INTS8: variants seen among roughly 807,000 people sequenced by gnomAD.
The protein encoded by INTS8 is integrator complex subunit 8, also known as protein kaonashi-1.
In INTS8, 47 loss-of-function variants were observed where a neutral mutation model predicts 138.9. That is an observed-to-expected ratio of 0.34 (90% CI 0.27 to 0.43). The LOEUF is 0.43. Among genes scored for constraint, INTS8 ranks in the 20% least tolerant of loss-of-function variants. The pLI, the probability that INTS8 is intolerant of heterozygous loss-of-function variation, is 1.00. For missense variants in INTS8, 996 were observed against 1,173.0 expected (o/e 0.85, Z 2.20); for synonymous variants, 392 against 400.9 (o/e 0.98, Z 0.27).
intron 7 of INTS8, among the ~76,000 whole-genome samples, chr8:94,838,149 T>C (rs937745280): frequency 1.2e-4 from 18 of 150,672 alleles, no homozygotes; most frequent in African/African-American, 4.1e-4. Flanking sequence ...CCTCCCGGGC[T>C]CAAGCCATTC....
At chr8:94,837,827 G>A (rs1814984945) in intron 7 of INTS8, among the ~76,000 whole-genome samples, 1 of 151,966 alleles carries the variant, frequency 6.6e-6, no homozygotes, top group South Asian at 2.1e-4. Context: ...AAATATCTTA[G>A]GCTTTCTGGG....
At chr8:94,825,834 T>G (rs1303258722) in intron 2 of INTS8, among the ~76,000 whole-genome samples, 2 of 76,716 alleles carry the variant, frequency 2.6e-5, no homozygotes, top group African/African-American at 2.8e-5. Context: ...AGGAGAGGGG[T>G]TTTTTTTGAC....
chr8:94,873,264 G>A, intron 21 of INTS8, 110 bp from the exon 22 acceptor site: 1 of 793,626 alleles, frequency 1.3e-6, no homozygotes, highest in South Asian at 1.4e-5. Flanking sequence ...CTAGTTCTGT[G>A]GTTTGAATCT....
At chr8:94,846,318 A>G (rs758744150) in intron 10 of INTS8, among the ~76,000 whole-genome samples, 50 of 152,030 alleles carry the variant, frequency 3.3e-4, no homozygotes, top group Non-Finnish European at 5.3e-4. Context: ...CTTGTTGCCC[A>G]GGCTGCAGTG....
chr8:94,845,782 C>T (rs1191858752), intron 10 of INTS8, among the ~76,000 whole-genome samples: 2 of 152,136 alleles, frequency 1.3e-5, no homozygotes, highest in East Asian at 1.9e-4. Context: ...TTTTATGTGT[C>T]AACATTAGAC....
Position 94,867,176 on chromosome 8 carries a change from G to A in INTS8, c.2332G>A (p.Val778Met). 6.2e-7 allele frequency: 1 copy of A among 1,610,506 alleles called. No individual in the cohort carries two copies. Among genetic ancestry groups the A allele is most frequent in the Non-Finnish European group, 8.5e-7 (1 of 1,178,300 alleles). ...LVLTIILSLF[V>M]KLHNVREDIV... ...TTTGACTATTATTTTATCACTCTTT[G>A]TGAAACTTCACAATGTTCGGGTAAG... The change falls in exon 19 of 27, where the codon GTG (valine) becomes ATG (methionine). Residue 778 changes from valine (V) to methionine (M), a missense_variant. Val to Met is a conservative substitution (Grantham distance 21, BLOSUM62 1). Coordinates refer to ENST00000523731, the MANE Select transcript of INTS8 (RefSeq NM_017864.4).
Position 94,866,496 on chromosome 8 carries a change from G to A in INTS8, c.2295+305G>A. ...GATGAGGTCTCCCCTTGTTGCCCAGGCTAGTTTCTAACTCCTGGTCTCAAA... is the reference window on the plus strand; with the variant it reads ...GATGAGGTCTCCCCTTGTTGCCCAGACTAGTTTCTAACTCCTGGTCTCAAA... On this transcript the variant is annotated intron_variant, in intron 18 of 26. Coordinates refer to ENST00000523731, the MANE Select transcript of INTS8 (RefSeq NM_017864.4). 1.3e-5 allele frequency: 4 copies of A among 300,644 alleles called. 1 individual carries two copies. In the South Asian group the frequency reaches 1.4e-4, roughly 11 times the overall value. 18.6% of individuals were successfully genotyped at this position (300,644 alleles called of 1,614,324 possible).
At chr8:94,840,913 A>ATT (rs59714366) in intron 8 of INTS8, among the ~76,000 whole-genome samples, 5 of 131,522 alleles carry the variant, frequency 3.8e-5, no homozygotes, top group African/African-American at 8.6e-5. Context: ...GAGAATAATA[A>ATT]TTTTTTTTTT....
At chr8:94,853,524 ATTG>A (rs1586500504) in intron 13 of INTS8, among the ~76,000 whole-genome samples, 1 of 152,026 alleles carries the variant, frequency 6.6e-6, no homozygotes, top group Non-Finnish European at 1.5e-5. Flanking sequence ...TTACCTTGAT[ATTG>A]TTGTGAGGAT....
chr8:94,854,203 C>G (rs1294813582), intron 14 of INTS8, among the ~76,000 whole-genome samples: 1 of 142,176 alleles, frequency 7.0e-6, no homozygotes, highest in East Asian at 2.0e-4. Context: ...GATAGTCCAT[C>G]TCGGAAAAAA....
At chr8:94,836,671 T>A in intron 7 of INTS8, 40 bp downstream of exon 7, 1 of 1,221,000 alleles carries the variant, frequency 8.2e-7, no homozygotes, top group African/African-American at 1.5e-5. Context: ...TTCAGTTCTT[T>A]AAAACATCTA....
At chr8:94,845,798 T>C (rs977431615) in intron 10 of INTS8, among the ~76,000 whole-genome samples, 3 of 152,210 alleles carry the variant, frequency 2.0e-5, no homozygotes, top group African/African-American at 4.8e-5. Context: ...TAGACTCAGA[T>C]TGTCAAGTTC....
At chr8:94,872,219 T>G (rs1405998480) in intron 21 of INTS8, among the ~76,000 whole-genome samples, 1 of 152,028 alleles carries the variant, frequency 6.6e-6, no homozygotes, top group African/African-American at 2.4e-5. Flanking sequence ...ATTCTCTTTT[T>G]CAAAAAAACA....
rs58388097 is a variant in INTS8, at chr8:94,848,013, C to CTTTTTTTTTTTTTTTTTT, written c.1261-1436_1261-1435insTTTTTTTTTTTTTTTTTT. On this transcript the variant is annotated intron_variant, in intron 10 of 26. Transcript: ENST00000523731. ...TGAACATAGCACTTTTAAAACACTG[C>CTTTTTTTTTTTTTTTTTT]TTTTTTTTTTTTTGAGATGGAGTCT... Among the ~76,000 whole-genome samples, 1,249 of 129,602 alleles carry CTTTTTTTTTTTTTTTTTT rather than the reference C, an allele frequency of 9.6e-3. 83 individuals are homozygous for CTTTTTTTTTTTTTTTTTT. Among genetic ancestry groups the CTTTTTTTTTTTTTTTTTT allele is most frequent in the Non-Finnish European group, 0.014 (868 of 60,230 alleles). 85.0% of individuals were successfully genotyped at this position (129,602 alleles called of 152,430 possible).
chr8:94,866,010 T>TAA (rs1563666960), intron 17 of INTS8, 148 bp from the exon 18 acceptor site: 2 of 543,846 alleles, frequency 3.7e-6, no homozygotes, highest in Admixed American at 7.1e-5. Flanking sequence ...GAAATGTTAT[T>TAA]AGGTTAGTAT....
intron 21 of INTS8, among the ~76,000 whole-genome samples, chr8:94,872,483 C>T (rs1816432560): frequency 6.6e-6 from 1 of 152,202 alleles, no homozygotes; most frequent in Admixed American, 6.5e-5. Context: ...ATCTGCCCGC[C>T]TCGGCCTCCC....
chr8:94,863,285 G>A (rs79487086), intron 16 of INTS8, among the ~76,000 whole-genome samples: 19,655 of 152,192 alleles, frequency 0.13, 1,663 homozygotes, highest in Middle Eastern at 0.2. Flanking sequence ...CTGCCCCTTG[G>A]CGTTCCAGCC....
Position 94,876,222 on chromosome 8 carries a change from C to T in INTS8, c.2764C>T (p.His922Tyr). The change falls in exon 25 of 27, where the codon CAT becomes TAT. Residue 922 changes from histidine (H) to tyrosine (Y), a missense_variant and splice_region_variant. Physicochemically the swap from His to Tyr is moderately conservative, Grantham distance 83. Transcript: ENST00000523731. ...AFKSLQEQNS[H>Y]DAMDSYYDYI... ...AAGTAACTGAATTCTGTCTTTCAGT[C>T]ATGATGCTATGGACTCCTACTACGA... 6.2e-7 allele frequency: 1 copy of T among 1,611,208 alleles called. No individual in the cohort carries two copies. The highest frequency in any genetic ancestry group is 8.5e-7 in the Non-Finnish European group (1 of 1,177,938).
At chr8:94,835,889 C>T (rs932168042) in intron 6 of INTS8, among the ~76,000 whole-genome samples, 37 of 152,322 alleles carry the variant, frequency 2.4e-4, no homozygotes, top group East Asian at 7.7e-4. Flanking sequence ...TGAGCCACTG[C>T]GCCCAGCCAG....
Sources: allele counts gnomAD v4.1 joint callset (sites outside exome capture counted in the v4.1 genomes callset), GRCh38; gene constraint gnomAD v4.1.1; transcripts MANE v1.5; gene names NCBI Gene and HGNC (gene_info 2026-07-23, HGNC 2026-07-21).